CTBP2: variants seen among roughly 807,000 people sequenced by gnomAD.
The protein encoded by CTBP2 is C-terminal-binding protein 2.
A neutral mutation model predicts 80.3 loss-of-function variants in CTBP2; 30 were observed. The ratio of observed to expected loss-of-function variants is 0.37; its 90% CI spans 0.28 to 0.51. CTBP2 has a LOEUF of 0.51. Among genes scored for constraint, CTBP2 ranks in the 20% least tolerant of loss-of-function variants. CTBP2 has a pLI of 0.93. For missense variants in CTBP2, 1,212 were observed against 1,375.3 expected, an observed-to-expected ratio of 0.88 and a Z score of 1.88; for synonymous variants, 594 against 587.4, an observed-to-expected ratio of 1.01 and a Z score of -0.16.
At chr10:125,011,339 CAT>C (rs766827081) in intron 1 of CTBP2, among the ~76,000 whole-genome samples, 27 of 152,224 alleles carry the variant, frequency 1.8e-4, no homozygotes, top group Non-Finnish European at 3.2e-4. Flanking sequence ...CGATGTGACA[CAT>C]GAGAGGCTCC....
Position 125,036,664 on chromosome 10 carries a change from A to AGG in CTBP2, c.58+2331_58+2332dup, listed in dbSNP as rs150632552. ...AAACATGGTGAGAATTCAAAGCTAGAGGGGGTGTGTGTGTGTGTGTGTGTG... is the reference window on the plus strand; with the variant it reads ...AAACATGGTGAGAATTCAAAGCTAGAGGGGGGGTGTGTGTGTGTGTGTGTGTG... On this transcript the variant is annotated intron_variant, in intron 3 of 10. Transcript: ENST00000337195. Among the ~76,000 whole-genome samples the AGG allele has an allele frequency of 8.4e-4, 113 of 133,914 alleles. 2 individuals are homozygous for AGG. Among genetic ancestry groups the AGG allele is most frequent in the South Asian group, 3.3e-3 (14 of 4,182 alleles). 87.9% of individuals were successfully genotyped at this position (133,914 alleles called of 152,430 possible).
At chr10:124,998,504 G>A in intron 3 of CTBP2, 3 of 379,874 alleles carry the variant, frequency 7.9e-6, no homozygotes, top group Admixed American at 4.2e-5. Flanking sequence ...CGGAGTGGCA[G>A]GAAGCCAGTG....
At chr10:124,993,449 G>A in intron 6 of CTBP2, 120 bp from the exon 9 acceptor site, 1 of 1,114,768 alleles carries the variant, frequency 9.0e-7, no homozygotes, top group African/African-American at 1.6e-5. Context: ...CATGGATACA[G>A]GAACATCTGT....
chr10:125,053,758 T>C (rs1428991288), intron 2 of CTBP2, among the ~76,000 whole-genome samples: 1 of 151,262 alleles, frequency 6.6e-6, no homozygotes, highest in African/African-American at 2.4e-5. Flanking sequence ...GTCTGATGAG[T>C]GGGAAGACAG....
chr10:125,085,770 T>C (rs1228386453), intron 2 of CTBP2, among the ~76,000 whole-genome samples: 3 of 152,234 alleles, frequency 2.0e-5, no homozygotes, highest in South Asian at 2.1e-4. Flanking sequence ...TTCACTCAAA[T>C]GATCCCCTTG....
At chr10:125,133,872 A>C (rs2136155136) in intron 1 of CTBP2, among the ~76,000 whole-genome samples, 1 of 152,328 alleles carries the variant, frequency 6.6e-6, no homozygotes, top group East Asian at 1.9e-4. Context: ...TATTCAGCCG[A>C]CCATGTGGAA....
intron 1 of CTBP2, among the ~76,000 whole-genome samples, chr10:125,018,543 CCAAACCAA>C (rs1353305102): frequency 7.4e-6 from 1 of 135,942 alleles, no homozygotes. Context: ...CCAGACCAAA[CCAAACCAA>C]CCAACAAACA....
chr10:125,003,917 G>C (rs11597531), intron 1 of CTBP2, among the ~76,000 whole-genome samples: 13,631 of 152,238 alleles, frequency 0.09, 636 homozygotes, highest in Admixed American at 0.14. Flanking sequence ...GCACAAACAG[G>C]CGGCCTGGGC....
chr10:125,134,669 G>A (rs910370927), intron 1 of CTBP2, among the ~76,000 whole-genome samples: 1 of 152,096 alleles, frequency 6.6e-6, no homozygotes, highest in Non-Finnish European at 1.5e-5. Context: ...CACGCGGCGC[G>A]GGAGGACGAA....
intron 2 of CTBP2, among the ~76,000 whole-genome samples, chr10:125,058,556 C>A (rs1018322321): frequency 2.6e-5 from 4 of 152,162 alleles, no homozygotes; most frequent in Non-Finnish European, 5.9e-5. Context: ...CTTTGGGAGG[C>A]TGAGGCGGGC....
chr10:125,142,928 G>C (rs1858085659), intron 1 of CTBP2, among the ~76,000 whole-genome samples: 2 of 152,276 alleles, frequency 1.3e-5, no homozygotes, highest in South Asian at 4.1e-4. Context: ...CAGGACATGG[G>C]AGCTGAAAGG....
intron 2 of CTBP2, among the ~76,000 whole-genome samples, chr10:125,047,452 G>A (rs988320947): frequency 6.6e-6 from 1 of 152,108 alleles, no homozygotes; most frequent in African/African-American, 2.4e-5. Context: ...ATATCTGAAC[G>A]TCATGCAGAG....
chr10:125,148,897 G>T (rs1859302024), intron 1 of CTBP2, among the ~76,000 whole-genome samples: 1 of 152,226 alleles, frequency 6.6e-6, no homozygotes, highest in Non-Finnish European at 1.5e-5. Context: ...TGTGCAAGTG[G>T]AGGAAAAAGA....
chr10:125,076,378 C>T (rs1846275846), intron 2 of CTBP2, among the ~76,000 whole-genome samples: 1 of 152,174 alleles, frequency 6.6e-6, no homozygotes, highest in Non-Finnish European at 1.5e-5. Flanking sequence ...CAGCTCTGGC[C>T]CCTACACACC....
rs371778243 is a variant in CTBP2, at chr10:125,071,878, G to A, written c.-101-32723C>T. On this transcript the variant is annotated intron_variant, in intron 2 of 10. Coordinates refer to the CTBP2 transcript ENST00000337195. ...GAAACAGAGGATGCAAGCAGGAAACGGAATCTGGCAACTGTTGTTGAGGGG... is the reference window on the plus strand; with the variant it reads ...GAAACAGAGGATGCAAGCAGGAAACAGAATCTGGCAACTGTTGTTGAGGGG... 8.5e-4 allele frequency among the ~76,000 whole-genome samples: 130 copies of A among 152,106 alleles called. 3 individuals carry two copies. The South Asian group carries it at 0.025, about 29-fold the overall frequency.
chr10:125,089,315 C>T (rs1373466403), intron 2 of CTBP2, among the ~76,000 whole-genome samples: 1 of 152,112 alleles, frequency 6.6e-6, no homozygotes. Context: ...GAGGTTGACA[C>T]AAAAACTTTA....
At chr10:125,116,529 G>A (rs1016155019) in intron 1 of CTBP2, among the ~76,000 whole-genome samples, 10 of 152,136 alleles carry the variant, frequency 6.6e-5, no homozygotes, top group Non-Finnish European at 1.5e-4. Flanking sequence ...CAGAAGCCGA[G>A]CTGTATCAGA....
chr10:125,108,492 A>C (rs1683964089), intron 2 of CTBP2, among the ~76,000 whole-genome samples: 1 of 152,218 alleles, frequency 6.6e-6, no homozygotes, highest in Non-Finnish European at 1.5e-5. Context: ...CTCTGGTTGA[A>C]ATCCATACGT....
upstream of CTBP2, chr10:125,032,996 C>T (rs1958419955): frequency 6.5e-6 from 1 of 153,206 alleles, no homozygotes; most frequent in African/African-American, 2.4e-5. Flanking sequence ...AGTTTCAGCA[C>T]ACGGGCCTTG....
Sources: gnomAD v4.1 joint callset for allele counts (sites outside exome capture counted in the v4.1 genomes callset) on GRCh38, gnomAD v4.1.1 for gene constraint, MANE v1.5 for transcripts, NCBI Gene and HGNC (gene_info 2026-07-23, HGNC 2026-07-21) for gene names.